Variants in DOCK1 observed in about 807,000 individuals in gnomAD.
The protein encoded by DOCK1 is dedicator of cytokinesis 1, also known as dedicator of cytokinesis protein 1.
In DOCK1, 138 loss-of-function variants were observed where a neutral mutation model predicts 262.7. The ratio of observed to expected loss-of-function variants is 0.53; its 90% CI spans 0.46 to 0.61. The LOEUF is 0.61. DOCK1 is among the 20% of genes least tolerant of loss of function. The pLI, the probability that DOCK1 is intolerant of heterozygous loss-of-function variation, is 0.00. For missense variants in DOCK1, 1,908 were observed against 2,370.7 expected, an observed-to-expected ratio of 0.80 and a Z score of 4.05; for synonymous variants, 866 against 867.4, an observed-to-expected ratio of 1.00 and a Z score of 0.03.
At chr10:127,119,279 C>G in intron 25 of DOCK1, among the ~76,000 whole-genome samples, 1 of 152,192 alleles carries the variant, frequency 6.6e-6, no homozygotes, top group East Asian at 1.9e-4. Context: ...TATCTCCTGA[C>G]CTCATGGTCC....
intron 48 of DOCK1, 132 bp from the exon 49 acceptor site, chr10:127,438,895 C>G (rs920450874): frequency 5.7e-6 from 5 of 877,436 alleles, no homozygotes; most frequent in African/African-American, 5.1e-5. Flanking sequence ...TATCTGAAGT[C>G]ACCCTTGGCC....
intron 38 of DOCK1, among the ~76,000 whole-genome samples, chr10:127,401,801 C>T (rs983303958): frequency 6.6e-6 from 1 of 152,216 alleles, no homozygotes; most frequent in African/African-American, 2.4e-5. Flanking sequence ...TCTCCTGCCC[C>T]GCTCATGCCT....
At chr10:126,911,117 T>G (rs562728223) in intron 1 of DOCK1, among the ~76,000 whole-genome samples, 2 of 152,346 alleles carry the variant, frequency 1.3e-5, no homozygotes, top group African/African-American at 4.8e-5. Context: ...TTTAAGAAAC[T>G]GCCAAACTTT....
rs947907515 is a variant in DOCK1, at chr10:127,389,633, G to A, written c.3927+4724G>A. 2.6e-5 allele frequency among the ~76,000 whole-genome samples: 4 copies of A among 152,136 alleles called. No homozygotes were observed. The East Asian group carries it at 7.7e-4, about 29-fold the overall frequency. On this transcript the variant is annotated intron_variant, in intron 38 of 51. Coordinates refer to ENST00000623213, the MANE Select transcript of DOCK1 (RefSeq NM_001290223.2). ...CCAATGTTGGAGGTGGGGCCTGGTG[G>A]GAGGTGATTGGGTCATAAGGGTGGA...
chr10:127,374,993 C>CT (rs1192847361), intron 35 of DOCK1, among the ~76,000 whole-genome samples: 3 of 152,252 alleles, frequency 2.0e-5, no homozygotes, highest in Non-Finnish European at 4.4e-5. Context: ...CACAGGAAAC[C>CT]AGATCTGGGC....
intron 27 of DOCK1, among the ~76,000 whole-genome samples, chr10:127,195,691 C>T (rs1204485246): frequency 6.6e-6 from 1 of 152,206 alleles, no homozygotes; most frequent in Non-Finnish European, 1.5e-5. Context: ...TGTCTGGAAC[C>T]CACATCGCAG....
At chr10:127,225,834 T>C (rs2058614723) in intron 27 of DOCK1, among the ~76,000 whole-genome samples, 1 of 152,078 alleles carries the variant, frequency 6.6e-6, no homozygotes, top group Admixed American at 6.5e-5. Flanking sequence ...ACCCCTTCAC[T>C]TTGGGAGGCC....
intron 1 of DOCK1, among the ~76,000 whole-genome samples, chr10:126,927,970 C>A (rs893605391): frequency 6.6e-6 from 1 of 152,046 alleles, no homozygotes; most frequent in African/African-American, 2.4e-5. Flanking sequence ...GGGCACCTAC[C>A]CAGGTGCCAC....
At chr10:127,069,175 G>C (rs2046059258) in intron 23 of DOCK1, among the ~76,000 whole-genome samples, 1 of 152,154 alleles carries the variant, frequency 6.6e-6, no homozygotes, top group South Asian at 2.1e-4. Flanking sequence ...GTTTCCACTA[G>C]AGCTCCCGTC....
At chr10:127,326,773 T>C (rs2062763677) in intron 29 of DOCK1, among the ~76,000 whole-genome samples, 1 of 152,254 alleles carries the variant, frequency 6.6e-6, no homozygotes, top group South Asian at 2.1e-4. Flanking sequence ...CTCTGGCAGC[T>C]ATAGCCTTAT....
intron 23 of DOCK1, among the ~76,000 whole-genome samples, chr10:127,093,202 C>CTTTCTTTCTTTCTTTGTTTCTTTG (rs1554883891): frequency 3.1e-5 from 4 of 129,560 alleles, no homozygotes; most frequent in South Asian, 2.4e-4. Context: ...TCTCCTTTTT[C>CTTTCTTTCTTTCTTTGTTTCTTTG]TTTCTTTCTT....
intron 23 of DOCK1, among the ~76,000 whole-genome samples, chr10:127,093,227 C>T (rs371531568): frequency 8.8e-5 from 6 of 67,868 alleles, no homozygotes; most frequent in East Asian, 3.4e-4. Context: ...TCTTTTCTTT[C>T]TTTCTTTCTT....
At chr10:126,936,861 T>C (rs1171793549) in intron 1 of DOCK1, among the ~76,000 whole-genome samples, 2 of 152,334 alleles carry the variant, frequency 1.3e-5, no homozygotes, top group East Asian at 3.9e-4. Context: ...AGGACATTCA[T>C]GTTGTGCAAA....
intron 49 of DOCK1, among the ~76,000 whole-genome samples, chr10:127,439,943 C>T (rs1353544977): frequency 6.6e-6 from 1 of 152,094 alleles, no homozygotes; most frequent in African/African-American, 2.4e-5. Context: ...AAGTGCACCA[C>T]ATTGGGAATC....
intron 29 of DOCK1, among the ~76,000 whole-genome samples, chr10:127,278,977 T>G (rs77403971): frequency 1.3e-5 from 2 of 152,234 alleles, no homozygotes; most frequent in Non-Finnish European, 1.5e-5. Flanking sequence ...CATGTCCCCA[T>G]GAGAGACACA....
chr10:127,260,363 C>T (rs1228606013), intron 29 of DOCK1, among the ~76,000 whole-genome samples: 1 of 152,190 alleles, frequency 6.6e-6, no homozygotes, highest in Non-Finnish European at 1.5e-5. Flanking sequence ...TAAAGTCCAC[C>T]TTGTTCTCTT....
chr10:127,208,023 C>T (rs2057801766), intron 27 of DOCK1, among the ~76,000 whole-genome samples: 1 of 152,194 alleles, frequency 6.6e-6, no homozygotes, highest in Non-Finnish European at 1.5e-5. Flanking sequence ...ACCCGGCCTC[C>T]TCTGCGATTT....
chr10:126,967,404 G>A (rs1167860204), intron 1 of DOCK1, among the ~76,000 whole-genome samples: 1 of 152,246 alleles, frequency 6.6e-6, no homozygotes, highest in South Asian at 2.1e-4. Flanking sequence ...CACAGCCCTG[G>A]ACTTGTCTGG....
At chr10:127,204,009 A>G (rs1340816382) in intron 27 of DOCK1, among the ~76,000 whole-genome samples, 1 of 151,764 alleles carries the variant, frequency 6.6e-6, no homozygotes, top group Non-Finnish European at 1.5e-5. Flanking sequence ...TAAAGTGAAT[A>G]TGGCTAGAAT....
Sources: allele counts gnomAD v4.1 joint callset (sites outside exome capture counted in the v4.1 genomes callset), GRCh38; gene constraint gnomAD v4.1.1; transcripts MANE v1.5; gene names NCBI Gene and HGNC (gene_info 2026-07-23, HGNC 2026-07-21).